The following ACSL3 variants were observed in gnomAD, a reference collection of about 807,000 sequenced individuals.
ACSL3 encodes the protein fatty acid CoA ligase Acsl3.
ACSL3 carries 34 observed loss-of-function variants against 84.7 expected under a neutral mutation model. That is an observed-to-expected ratio of 0.40 (90% CI 0.31 to 0.53). The LOEUF (loss-of-function observed/expected upper bound fraction) is 0.53. Among genes scored for constraint, ACSL3 ranks in the 20% least tolerant of loss-of-function variants. The probability of loss-of-function intolerance (pLI) is 0.48; values close to 1 mark genes in which losing one functional copy is unlikely to be tolerated. For synonymous variants in ACSL3, 315 were observed against 299.4 expected (o/e 1.05, Z -0.54); for missense variants, 680 against 873.1 (o/e 0.78, Z 2.79).
intron 3 of ACSL3, among the ~76,000 whole-genome samples, chr2:222,904,032 T>C (rs1244955874): frequency 6.6e-6 from 1 of 152,276 alleles, no homozygotes; most frequent in South Asian, 2.1e-4. Context: ...CCCAGTACTT[T>C]GGGAGGCCGA....
intron 9 of ACSL3, 106 bp downstream of exon 9, chr2:222,922,937 A>G: frequency 6.7e-7 from 1 of 1,491,366 alleles, no homozygotes; most frequent in Non-Finnish European, 9.1e-7. Context: ...GGTTCATTTT[A>G]AAATGAGCTT....
intron 1 of ACSL3, among the ~76,000 whole-genome samples, chr2:222,881,188 T>G (rs545411629): frequency 8.5e-5 from 13 of 152,376 alleles, no homozygotes; most frequent in African/African-American, 2.6e-4. Flanking sequence ...AATATAAAAT[T>G]TATTAATTAA....
chr2:222,933,246 C>A lies in ACSL3; in HGVS notation c.1813C>A (p.Pro605Thr). ...AGTAGAGGCAGCTTTGAAGAATCTTCCACTAGTAGATAACATTTGTGCATA... is the reference window on the plus strand; with the variant it reads ...AGTAGAGGCAGCTTTGAAGAATCTTACACTAGTAGATAACATTTGTGCATA... ...GKVEAALKNL[P>T]LVDNICAYAN... Residue 605 changes from proline to threonine, a missense_variant, in exon 15 of 17, where the codon CCA becomes ACA. Physicochemically the swap from Pro to Thr is conservative, Grantham distance 38. This residue lies in a region of ACSL3 where 347 missense variants were observed against 525.7 expected (regional missense o/e 0.66). Transcript: ENST00000357430. 3.7e-6 allele frequency: 6 copies of A among 1,613,518 alleles called. No homozygotes were observed. The highest frequency in any genetic ancestry group is 5.1e-6 in the Non-Finnish European group (6 of 1,179,742).
Position 222,900,039 on chromosome 2 carries a change from A to G in ACSL3, c.-147-635A>G, listed in dbSNP as rs1348135848. Among the ~76,000 whole-genome samples, 3 of 152,190 alleles carry G rather than the reference A, an allele frequency of 2.0e-5. No homozygotes were observed. The East Asian group carries it at 5.8e-4, about 29-fold the overall frequency. On this transcript the variant is annotated intron_variant, in intron 2 of 16. Coordinates refer to ENST00000357430, the MANE Select transcript of ACSL3 (RefSeq NM_004457.5). ...TCGCTCTGGTTCAAACGCCTCTGAC[A>G]GTAATACTCATTCTAAGGTGTAGCA... is the stretch of plus-strand genomic sequence containing the variant.
intron 10 of ACSL3, 129 bp from the exon 11 acceptor site, chr2:222,924,327 C>A: frequency 1.3e-6 from 1 of 775,482 alleles, no homozygotes; most frequent in Non-Finnish European, 1.9e-6. Flanking sequence ...CTTGCTGAAT[C>A]ACATCCACAG....
intron 11 of ACSL3, among the ~76,000 whole-genome samples, chr2:222,925,791 TA>T (rs1696862619): frequency 6.6e-6 from 1 of 152,234 alleles, no homozygotes; most frequent in Non-Finnish European, 1.5e-5. Context: ...AGTATGAATA[TA>T]ATTAAATGTT....
Position 222,942,800 on chromosome 2 carries a change from T to G in ACSL3, c.*1146T>G, listed in dbSNP as rs2106148691. 4.5e-6 allele frequency: 1 copy of G among 219,930 alleles called. No homozygotes were observed. Among genetic ancestry groups the G allele is most frequent in the Non-Finnish European group, 9.1e-6 (1 of 109,750 alleles). The allele number at this position is 219,930 out of a possible 1,614,324, so 13.6% of individuals were successfully genotyped here. ...ATGTATTTGATGATAGCATTCTCAC[T>G]AAGACACATGAGAATTTAACTTTAT... On this transcript the variant is annotated 3_prime_UTR_variant, in exon 17 of 17. Coordinates refer to ENST00000357430, the MANE Select transcript of ACSL3 (RefSeq NM_004457.5).
At position 222,897,685 on chromosome 2, in the gene ACSL3, C is replaced by G; in HGVS notation, c.-147-2989C>G. On this transcript the variant is annotated intron_variant, in intron 2 of 16. Transcript: ENST00000357430. ...CTGCCATCCCGGCACCTCGGGAGGC[C>G]GAGGCTGGCGGATCACTCGCGGTTA... 1.0e-4 allele frequency among the ~76,000 whole-genome samples: 4 copies of G among 39,920 alleles called. 2 individuals are homozygous for G. 26.2% of individuals were successfully genotyped at this position (39,920 alleles called of 152,430 possible).
At chr2:222,923,299 A>G (rs1322106641) in intron 10 of ACSL3, 150 bp downstream of exon 10, 4 of 644,136 alleles carry the variant, frequency 6.2e-6, no homozygotes, top group Non-Finnish European at 1.0e-5. Flanking sequence ...GCGCTATGGG[A>G]TTTCTTCAGT....
chr2:222,911,501 T>G (rs1430252951), intron 4 of ACSL3, among the ~76,000 whole-genome samples: 2 of 152,242 alleles, frequency 1.3e-5, no homozygotes, highest in Non-Finnish European at 2.9e-5. Context: ...GATATGCTAT[T>G]TGAATTCAAA....
At chr2:222,872,944 G>T (rs1695342647) in intron 1 of ACSL3, among the ~76,000 whole-genome samples, 1 of 152,060 alleles carries the variant, frequency 6.6e-6, no homozygotes, top group South Asian at 2.1e-4. Flanking sequence ...AAAAATAAAT[G>T]GGCCACAGCA....
intron 2 of ACSL3, among the ~76,000 whole-genome samples, chr2:222,898,793 C>G (rs1463159853): frequency 2.0e-5 from 3 of 152,106 alleles, no homozygotes; most frequent in Non-Finnish European, 4.4e-5. Flanking sequence ...CGCCACTGCA[C>G]TCCAGCCTGG....
chr2:222,924,347 ACTT>A (rs1696819000), intron 10 of ACSL3, 106 bp from the exon 11 acceptor site: 3 of 983,090 alleles, frequency 3.1e-6, no homozygotes, highest in Non-Finnish European at 2.8e-6. Context: ...GTTGAAGAGT[ACTT>A]CTTTTAAAAT....
chr2:222,864,657 A>C (rs577913627), intron 1 of ACSL3, among the ~76,000 whole-genome samples: 4 of 152,260 alleles, frequency 2.6e-5, no homozygotes, highest in African/African-American at 7.2e-5. Flanking sequence ...AGGAAAACGG[A>C]GACAGAAACT....
At chr2:222,914,538 A>C (rs558511652) in intron 4 of ACSL3, among the ~76,000 whole-genome samples, 2 of 152,288 alleles carry the variant, frequency 1.3e-5, no homozygotes, top group Admixed American at 1.3e-4. Flanking sequence ...TTGAGATTAC[A>C]GGCATGAGCC....
intron 2 of ACSL3, among the ~76,000 whole-genome samples, chr2:222,892,748 A>G (rs1478927124): frequency 6.6e-6 from 1 of 152,196 alleles, no homozygotes; most frequent in African/African-American, 2.4e-5. Flanking sequence ...TGCCTTGGAG[A>G]GACATGTAGG....
rs754575622 is a variant in ACSL3, at chr2:222,927,042, T to C, written c.1318T>C (p.Leu440=). The C allele has an allele frequency of 6.2e-7, 1 of 1,613,430 alleles. No individual in the cohort carries two copies. The highest frequency in any genetic ancestry group is 8.5e-7 in the Non-Finnish European group (1 of 1,179,430). The change falls in exon 12 of 17, where the codon TTG becomes CTG. Residue 440 remains leucine (L), a synonymous_variant. Coordinates refer to ENST00000357430, the MANE Select transcript of ACSL3 (RefSeq NM_004457.5). Reference sequence around the variant, plus strand: ...CTTTGTTTTCCGGAAAGTTCGAAGCTTGCTAGGGGGAAATATTCGTCTCCT... The same window carrying C: ...CTTTGTTTTCCGGAAAGTTCGAAGCCTGCTAGGGGGAAATATTCGTCTCCT... ...DSFVFRKVRS[L]LGGNIRLLLC... is the part of the protein sequence containing the mutation.
At chr2:222,930,461 A>G (rs1696997944) in intron 13 of ACSL3, 160 bp from the exon 14 acceptor site, 6 of 510,794 alleles carry the variant, frequency 1.2e-5, no homozygotes, top group Admixed American at 1.1e-4. Context: ...TTTTGTGCCT[A>G]CTGTTAAATT....
chr2:222,872,913 T>C (rs1695341826), intron 1 of ACSL3, among the ~76,000 whole-genome samples: 1 of 152,106 alleles, frequency 6.6e-6, no homozygotes, highest in Admixed American at 6.5e-5. Context: ...TGCAGAGGTC[T>C]TCTGAGATGA....
Sources: allele counts gnomAD v4.1 joint callset (sites outside exome capture counted in the v4.1 genomes callset), GRCh38; gene constraint gnomAD v4.1.1; regional missense constraint gnomAD v4.1.1; transcripts MANE v1.5; gene names NCBI Gene and HGNC (gene_info 2026-07-23, HGNC 2026-07-21).